Variants in DGKB observed in about 807,000 individuals in gnomAD.
DGKB encodes the protein 90 kDa diacylglycerol kinase.
A neutral mutation model predicts 114.3 loss-of-function variants in DGKB; 67 were observed. The ratio of observed to expected loss-of-function variants is 0.59; its 90% CI spans 0.48 to 0.72. The LOEUF is 0.72. Among genes scored for constraint, DGKB ranks in the 30% least tolerant of loss-of-function variants. DGKB has a pLI of 0.00. For synonymous variants in DGKB, 398 were observed against 323.1 expected (o/e 1.23, Z -2.49); for missense variants, 907 against 975.2 (o/e 0.93, Z 0.93).
At chr7:14,440,440 T>C (rs1454016836) in intron 21 of DGKB, among the ~76,000 whole-genome samples, 1 of 152,136 alleles carries the variant, frequency 6.6e-6, no homozygotes, top group African/African-American at 2.4e-5. Flanking sequence ...CCTCCAGTGA[T>C]ATACTGAGTT....
chr7:14,265,136 G>A (rs1321172619), intron 23 of DGKB, among the ~76,000 whole-genome samples: 2 of 102,242 alleles, frequency 2.0e-5, no homozygotes, highest in Middle Eastern at 4.7e-3. Context: ...CCAATCCGGA[G>A]ATCATTTTTT....
At chr7:14,826,104 G>A (rs1029127273) in intron 2 of DGKB, among the ~76,000 whole-genome samples, 6 of 152,158 alleles carry the variant, frequency 3.9e-5, no homozygotes, top group Non-Finnish European at 8.8e-5. Flanking sequence ...TGTTAAACTT[G>A]CAGTGAAAGT....
intron 23 of DGKB, among the ~76,000 whole-genome samples, chr7:14,205,700 A>C (rs571769197): frequency 7.6e-4 from 115 of 152,010 alleles, no homozygotes; most frequent in African/African-American, 2.6e-3. Flanking sequence ...GTCCCTGCCC[A>C]GTGTGCTTCA....
At chr7:14,783,332 G>T (rs1044325940) in intron 2 of DGKB, among the ~76,000 whole-genome samples, 1 of 152,166 alleles carries the variant, frequency 6.6e-6, no homozygotes, top group African/African-American at 2.4e-5. Context: ...GGATTCACTT[G>T]TCACACCGCA....
chr7:14,329,894 C>T (rs1046741723), intron 23 of DGKB, among the ~76,000 whole-genome samples: 3 of 151,882 alleles, frequency 2.0e-5, no homozygotes, highest in East Asian at 1.9e-4. Context: ...CCACTGGGTA[C>T]GTTAAATTGA....
At chr7:14,671,023 T>C (rs1036679730) in intron 13 of DGKB, among the ~76,000 whole-genome samples, 1 of 152,178 alleles carries the variant, frequency 6.6e-6, no homozygotes, top group Non-Finnish European at 1.5e-5. Flanking sequence ...AATAATAATA[T>C]ATCGGGTATA....
chr7:14,772,443 G>A (rs1376456722), intron 2 of DGKB, among the ~76,000 whole-genome samples: 1 of 152,102 alleles, frequency 6.6e-6, no homozygotes, highest in Non-Finnish European at 1.5e-5. Flanking sequence ...ATCTGGTGTG[G>A]AGGACTGTCT....
intron 20 of DGKB, among the ~76,000 whole-genome samples, chr7:14,485,792 G>C (rs988661891): frequency 5.9e-5 from 9 of 151,638 alleles, no homozygotes; most frequent in African/African-American, 2.2e-4. Flanking sequence ...CTGGGAGGCT[G>C]AGGCAGGAGA....
At chr7:14,197,117 T>G (rs1173745298) in intron 23 of DGKB, among the ~76,000 whole-genome samples, 1 of 152,094 alleles carries the variant, frequency 6.6e-6, no homozygotes, top group Non-Finnish European at 1.5e-5. Flanking sequence ...GGAGTTGCTT[T>G]GTGGGGCGGG....
chr7:14,636,097 A>C, intron 13 of DGKB, among the ~76,000 whole-genome samples: 1 of 151,726 alleles, frequency 6.6e-6, no homozygotes, highest in East Asian at 1.9e-4. Flanking sequence ...CTCATGCCAA[A>C]GTATTTTCTA....
chr7:14,914,670 G>C (rs1412498858), intron 1 of DGKB, among the ~76,000 whole-genome samples: 2 of 151,982 alleles, frequency 1.3e-5, no homozygotes, highest in East Asian at 3.9e-4. Context: ...ATCAGAACTA[G>C]ACTCAGATAT....
intron 23 of DGKB, among the ~76,000 whole-genome samples, chr7:14,316,172 G>A (rs1806473125): frequency 2.0e-5 from 3 of 152,004 alleles, no homozygotes; most frequent in Admixed American, 2.0e-4. Flanking sequence ...ATACCCACAA[G>A]AGAAAGCAGG....
At chr7:14,418,135 T>C (rs1825996064) in intron 21 of DGKB, among the ~76,000 whole-genome samples, 1 of 145,750 alleles carries the variant, frequency 6.9e-6, no homozygotes, top group Non-Finnish European at 1.5e-5. Flanking sequence ...TAAAAATATA[T>C]ATTTTATATA....
At chr7:14,473,979 G>A (rs1401212643) in intron 21 of DGKB, among the ~76,000 whole-genome samples, 3 of 152,170 alleles carry the variant, frequency 2.0e-5, no homozygotes, top group Non-Finnish European at 4.4e-5. Flanking sequence ...TGTCTCAAAT[G>A]AGACTTTGGA....
Position 14,148,703 on chromosome 7 carries a change from G to A in DGKB, c.*428C>T, listed in dbSNP as rs895579680. The A allele has an allele frequency of 4.8e-6, 1 of 209,934 alleles. No homozygotes were observed. Among genetic ancestry groups the A allele is most frequent in the Non-Finnish European group, 9.7e-6 (1 of 103,192 alleles). The allele number at this position is 209,934 out of a possible 1,614,324, so 13.0% of individuals were successfully genotyped here. A position where few individuals can be genotyped will look rare whatever the true frequency, so the allele number is the denominator to read the frequency against. ...ACTGATTCTAAAAGGGAAACGTATA[G>A]CAATCTGCAATTATGATCATTGTAG... is the stretch of plus-strand genomic sequence containing the variant. On this transcript the variant is annotated 3_prime_UTR_variant, in exon 26 of 26. Transcript: ENST00000402815.
chr7:14,355,483 A>G (rs1814271197), intron 21 of DGKB, among the ~76,000 whole-genome samples: 2 of 152,200 alleles, frequency 1.3e-5, no homozygotes, highest in African/African-American at 2.4e-5. Context: ...AGTTTTTAGC[A>G]TGAAGGGCTG....
chr7:14,850,520 A>G (rs1849213136), intron 1 of DGKB, among the ~76,000 whole-genome samples: 2 of 152,178 alleles, frequency 1.3e-5, no homozygotes, highest in Non-Finnish European at 2.9e-5. Flanking sequence ...AAGGATGGAT[A>G]CAGATGCAAG....
intron 14 of DGKB, among the ~76,000 whole-genome samples, chr7:14,627,950 CA>C (rs56827397): frequency 0.29 from 26,681 of 93,390 alleles, 2,643 homozygotes; most frequent in Non-Finnish European, 0.4. Context: ...CTCAAAAAAA[CA>C]AAAAAAAAAA....
chr7:14,849,541 C>T (rs545641861), intron 1 of DGKB, among the ~76,000 whole-genome samples: 5 of 152,214 alleles, frequency 3.3e-5, no homozygotes, highest in African/African-American at 9.6e-5. Context: ...ATTTCCCAGC[C>T]TCCAATACTG....
Sources: gnomAD v4.1 joint callset for allele counts (sites outside exome capture counted in the v4.1 genomes callset) on GRCh38, gnomAD v4.1.1 for gene constraint, MANE v1.5 for transcripts, NCBI Gene and HGNC (gene_info 2026-07-23, HGNC 2026-07-21) for gene names.